Variants in ABI3BP observed in about 807,000 individuals in gnomAD.
ABI3BP encodes the protein target of Nesh-SH3.
In ABI3BP, 216 loss-of-function variants were observed where a neutral mutation model predicts 268.6. That is an observed-to-expected ratio of 0.80 (90% CI 0.72 to 0.90). The LOEUF (loss-of-function observed/expected upper bound fraction) is 0.90, where lower values mean the gene tolerates loss of function less well. ABI3BP is among the 40% of genes least tolerant of loss of function. The probability of loss-of-function intolerance (pLI) is 0.00; values close to 1 mark genes in which losing one functional copy is unlikely to be tolerated. For missense variants in ABI3BP, 2,090 were observed against 2,182.4 expected, an observed-to-expected ratio of 0.96 and a Z score of 0.84; for synonymous variants, 730 against 730.0, an observed-to-expected ratio of 1.00 and a Z score of 0.00.
chr3:100,839,720 T>C (rs2098663077), intron 23 of ABI3BP, 104 bp from the exon 24 acceptor site: 2 of 1,244,832 alleles, frequency 1.6e-6, no homozygotes, highest in Admixed American at 4.0e-5. Context: ...GATGCATTTT[T>C]TCTGAATGTG....
At chr3:100,878,725 C>G (rs2099190416) in intron 6 of ABI3BP, among the ~76,000 whole-genome samples, 1 of 152,184 alleles carries the variant, frequency 6.6e-6, no homozygotes, top group Non-Finnish European at 1.5e-5. Context: ...TAGGCCCACC[C>G]TTGGCACTCT....
chr3:100,780,269 G>C (rs2096829340), intron 57 of ABI3BP, 60 bp from the exon 58 acceptor site: 2 of 1,505,898 alleles, frequency 1.3e-6, no homozygotes, highest in Non-Finnish European at 1.8e-6. Flanking sequence ...ATGGAAACTT[G>C]GTAGAGTTGC....
intron 1 of ABI3BP, among the ~76,000 whole-genome samples, chr3:100,963,897 T>A (rs1465884498): frequency 6.6e-6 from 1 of 152,230 alleles, no homozygotes; most frequent in African/African-American, 2.4e-5. Flanking sequence ...ACTCAAGAGT[T>A]CCTTTCTTAT....
Position 100,810,398 on chromosome 3 carries a change from A to T in ABI3BP, c.3607+14T>A. Reference sequence around the variant, plus strand: ...CACTCACCTCATATATGACATACAAAATAATGTATTTACCAGGTTCAGTCT... The same window carrying T: ...CACTCACCTCATATATGACATACAATATAATGTATTTACCAGGTTCAGTCT... On this transcript the variant is annotated intron_variant, in intron 49 of 67. Coordinates refer to ENST00000471714, the MANE Select transcript of ABI3BP (RefSeq NM_001375547.2). The T allele has an allele frequency of 6.5e-7, 1 of 1,526,832 alleles. No individual in the cohort carries two copies. The highest frequency in any genetic ancestry group is 8.8e-7 in the Non-Finnish European group (1 of 1,138,888). 94.6% of individuals were successfully genotyped at this position (1,526,832 alleles called of 1,614,324 possible).
At chr3:100,848,705 G>T in intron 18 of ABI3BP, 96 bp downstream of exon 18, 2 of 1,192,616 alleles carry the variant, frequency 1.7e-6, no homozygotes, top group Non-Finnish European at 2.5e-6. Context: ...GGAGTTGCAG[G>T]TGTGAGCCAC....
intron 11 of ABI3BP, 108 bp from the exon 12 acceptor site, chr3:100,864,184 G>A: frequency 1.4e-6 from 1 of 737,834 alleles, no homozygotes; most frequent in Non-Finnish European, 2.4e-6. Context: ...TGCACACAGA[G>A]CAGCCAATAC....
At position 100,862,341 on chromosome 3, in the gene ABI3BP, C is replaced by G. The variant is rs757064571; in HGVS notation, c.1255G>C (p.Glu419Gln). Residue 419 changes from glutamate to glutamine, a missense_variant, in exon 14 of 68, where the codon GAA becomes CAA. By Grantham distance (29) the Glu-to-Gln change is conservative. Transcript: ENST00000471714. ...TGAGGCTGCAGAACTTTGGAATCTT[C>G]AGATATTTTAGCTGTAGGCACAATC... Reference protein sequence around the residue: ...PWIVPTAKISEDSKVLQPQTA... With the variant: ...PWIVPTAKISQDSKVLQPQTA... 2.5e-6 allele frequency: 4 copies of G among 1,604,022 alleles called. No individual in the cohort carries two copies. In the Admixed American group the frequency reaches 6.8e-5, roughly 27 times the overall value.
chr3:100,854,818 C>A (rs1423371916), intron 14 of ABI3BP, among the ~76,000 whole-genome samples: 3 of 151,444 alleles, frequency 2.0e-5, no homozygotes, highest in Non-Finnish European at 4.4e-5. Context: ...ATAGTAATGA[C>A]TTACAGTCAT....
intron 1 of ABI3BP, among the ~76,000 whole-genome samples, chr3:100,927,836 C>T (rs1362320076): frequency 1.3e-5 from 2 of 152,076 alleles, no homozygotes; most frequent in Non-Finnish European, 2.9e-5. Flanking sequence ...ATGTAAATGG[C>T]ACAACCTTAA....
chr3:100,879,329 TTCA>T (rs2099201502), intron 6 of ABI3BP, among the ~76,000 whole-genome samples: 1 of 152,222 alleles, frequency 6.6e-6, no homozygotes. Flanking sequence ...ATCATTTTTG[TTCA>T]GGCTGTGGCT....
chr3:100,753,932 A>G (rs1000897811), intron 64 of ABI3BP, 84 bp from the exon 65 acceptor site: 1 of 1,364,704 alleles, frequency 7.3e-7, no homozygotes, highest in African/African-American at 1.4e-5. Flanking sequence ...ATGGGGGCTT[A>G]CACTTGTTAA....
intron 6 of ABI3BP, among the ~76,000 whole-genome samples, chr3:100,878,612 C>G (rs1174551195): frequency 6.6e-6 from 1 of 152,166 alleles, no homozygotes; most frequent in East Asian, 1.9e-4. Context: ...ATACCAAACT[C>G]TCAGCTTTGC....
intron 57 of ABI3BP, among the ~76,000 whole-genome samples, chr3:100,780,693 G>A (rs887764515): frequency 8.6e-5 from 13 of 151,616 alleles, no homozygotes; most frequent in African/African-American, 3.2e-4. Context: ...TCCTGGAGTG[G>A]CATTGGCTAT....
chr3:100,864,189 C>A, intron 11 of ABI3BP, 113 bp from the exon 12 acceptor site: 1 of 718,214 alleles, frequency 1.4e-6, no homozygotes, highest in Admixed American at 2.1e-5. Context: ...ACAGAGCAGC[C>A]AATACCTTTA....
chr3:100,905,139 T>A (rs1436182717), intron 2 of ABI3BP, among the ~76,000 whole-genome samples: 5 of 152,132 alleles, frequency 3.3e-5, no homozygotes, highest in Admixed American at 3.3e-4. Flanking sequence ...GAAACCATCA[T>A]TCTCAGCAAA....
At chr3:100,761,010 AT>A (rs918095616) in intron 63 of ABI3BP, among the ~76,000 whole-genome samples, 1 of 151,802 alleles carries the variant, frequency 6.6e-6, no homozygotes, top group Non-Finnish European at 1.5e-5. Context: ...TCAATAGTTG[AT>A]TTTTCTGCTC....
At chr3:100,760,423 CCAT>C (rs1282551196) in intron 63 of ABI3BP, among the ~76,000 whole-genome samples, 3 of 152,256 alleles carry the variant, frequency 2.0e-5, no homozygotes, top group South Asian at 4.2e-4. Flanking sequence ...AGAACTCCGT[CCAT>C]CAGTGGATTA....
chr3:100,786,378 G>T (rs369027573), intron 57 of ABI3BP, among the ~76,000 whole-genome samples: 1 of 152,058 alleles, frequency 6.6e-6, no homozygotes, highest in African/African-American at 2.4e-5. Context: ...TATATAAGAA[G>T]GTAATAGATA....
intron 22 of ABI3BP, 65 bp downstream of exon 22, chr3:100,840,755 G>T: frequency 2.2e-6 from 3 of 1,369,894 alleles, no homozygotes; most frequent in Non-Finnish European, 3.0e-6. Context: ...ATGTGAGTCT[G>T]TCAACACAGA....
Sources: allele counts gnomAD v4.1 joint callset (sites outside exome capture counted in the v4.1 genomes callset), GRCh38; gene constraint gnomAD v4.1.1; transcripts MANE v1.5; gene names NCBI Gene and HGNC (gene_info 2026-07-23, HGNC 2026-07-21).